The following TBX20 variants were observed in gnomAD, a reference collection of about 807,000 sequenced individuals.
The protein encoded by TBX20 is T-box transcription factor 20.
TBX20 carries 8 observed loss-of-function variants against 42.9 expected under a neutral mutation model. The observed-to-expected ratio is 0.19, with a 90% CI of 0.11 to 0.34. The LOEUF is 0.34. Ranked by LOEUF, TBX20 falls within the 10% of genes least tolerant of loss-of-function variation. TBX20 has a pLI of 1.00. For synonymous variants in TBX20, 198 were observed against 222.8 expected, an observed-to-expected ratio of 0.89 and a Z score of 0.99; for missense variants, 411 against 566.0, an observed-to-expected ratio of 0.73 and a Z score of 2.78.
chr7:35,205,578 T>C (rs528372702), intron 6 of TBX20, among the ~76,000 whole-genome samples: 5 of 152,314 alleles, frequency 3.3e-5, no homozygotes, highest in Non-Finnish European at 7.4e-5. Context: ...GCAAATAAAA[T>C]GTCATAATAA....
intron 6 of TBX20, among the ~76,000 whole-genome samples, chr7:35,216,454 G>C (rs1273018703): frequency 6.6e-6 from 1 of 152,246 alleles, no homozygotes; most frequent in Non-Finnish European, 1.5e-5. Flanking sequence ...GTAAAATAAG[G>C]ATATCAATAT....
At chr7:35,208,976 C>T (rs982843292) in intron 6 of TBX20, among the ~76,000 whole-genome samples, 3 of 152,024 alleles carry the variant, frequency 2.0e-5, no homozygotes, top group African/African-American at 4.8e-5. Context: ...TCTGTTGAGA[C>T]AATCATATAG....
At chr7:35,245,111 G>A in intron 3 of TBX20, 54 bp from the exon 4 acceptor site, 1 of 1,307,290 alleles carries the variant, frequency 7.6e-7, no homozygotes, top group Non-Finnish European at 1.1e-6. Flanking sequence ...GTCTGTCTCT[G>A]TAGGTTATAA....
intron 5 of TBX20, among the ~76,000 whole-genome samples, chr7:35,234,498 A>T (rs1333945948): frequency 5.3e-5 from 8 of 152,224 alleles, no homozygotes; most frequent in African/African-American, 9.6e-5. Context: ...GAGTTTTCAA[A>T]TGTCTTCGAA....
intron 6 of TBX20, among the ~76,000 whole-genome samples, chr7:35,224,526 G>T (rs1469259210): frequency 6.6e-6 from 1 of 152,212 alleles, no homozygotes; most frequent in Non-Finnish European, 1.5e-5. Flanking sequence ...TACAAAATTA[G>T]CTGGACGTGG....
chr7:35,227,816 T>C (rs1452454833), intron 6 of TBX20, among the ~76,000 whole-genome samples: 1 of 152,054 alleles, frequency 6.6e-6, no homozygotes, highest in African/African-American at 2.4e-5. Flanking sequence ...GGAGAGTAAA[T>C]TGGAAGTTAT....
chr7:35,207,938 A>G (rs868121266), intron 6 of TBX20, among the ~76,000 whole-genome samples: 6 of 152,150 alleles, frequency 3.9e-5, no homozygotes, highest in African/African-American at 1.4e-4. Flanking sequence ...GCATTTCCAT[A>G]TGAAATTTAA....
chr7:35,229,491 C>T (rs1789832088), intron 6 of TBX20, among the ~76,000 whole-genome samples: 1 of 152,212 alleles, frequency 6.6e-6, no homozygotes, highest in Non-Finnish European at 1.5e-5. Context: ...ATCTTGCAAA[C>T]TTTCAGCTAG....
chr7:35,212,275 T>C (rs1245254801), intron 6 of TBX20, among the ~76,000 whole-genome samples: 1 of 152,204 alleles, frequency 6.6e-6, no homozygotes, highest in Non-Finnish European at 1.5e-5. Flanking sequence ...ACTTTGATTT[T>C]TGGTAAATCT....
At chr7:35,239,733 T>C (rs1199128187) in intron 5 of TBX20, among the ~76,000 whole-genome samples, 1 of 151,950 alleles carries the variant, frequency 6.6e-6, no homozygotes, top group Non-Finnish European at 1.5e-5. Flanking sequence ...AGAAATGCAT[T>C]AATTTAAGTT....
chr7:35,223,456 G>A (rs535545232), intron 6 of TBX20, among the ~76,000 whole-genome samples: 18 of 152,310 alleles, frequency 1.2e-4, no homozygotes, highest in Middle Eastern at 6.8e-3. Flanking sequence ...GAGAAGAGAA[G>A]TGCAAGGACT....
At chr7:35,215,124 G>C (rs1789562298) in intron 6 of TBX20, among the ~76,000 whole-genome samples, 1 of 152,140 alleles carries the variant, frequency 6.6e-6, no homozygotes, top group African/African-American at 2.4e-5. Context: ...TTTTCTGAAA[G>C]AACATTATAT....
At chr7:35,235,485 T>G (rs1297184400) in intron 5 of TBX20, among the ~76,000 whole-genome samples, 1 of 152,218 alleles carries the variant, frequency 6.6e-6, no homozygotes, top group Non-Finnish European at 1.5e-5. Flanking sequence ...AAACATTGTA[T>G]GTACAGAAAC....
Position 35,245,010 on chromosome 7 carries a change from T to C in TBX20, c.593A>G (p.Lys198Arg), listed in dbSNP as rs761547441. Residue 198 changes from lysine to arginine, a missense_variant, in exon 4 of 8, where the codon AAA (lysine) becomes AGA (arginine). By Grantham distance (26) the Lys-to-Arg change is conservative. Around this residue, in one of 5 missense-constraint regions of TBX20, gnomAD observed 121 missense variants for 165.9 expected, o/e 0.73. Transcript: ENST00000408931. ...CACCTTTTCAAAAGACACCATCTGT[T>C]TGAGTAGTTGCTCACCGGTAAAAGG... ...DSPFTGEQLL[K>R]QMVSFEKVKL... The C allele has an allele frequency of 1.2e-6, 2 of 1,613,904 alleles. No homozygotes were observed. The highest frequency in any genetic ancestry group is 2.2e-5 in the South Asian group (2 of 91,070).
chr7:35,251,288 A>G (rs1481038674), intron 1 of TBX20, among the ~76,000 whole-genome samples: 2 of 152,240 alleles, frequency 1.3e-5, no homozygotes, highest in Non-Finnish European at 1.5e-5. Flanking sequence ...GTACATGTAC[A>G]TGATGTGTGT....
At position 35,227,519 on chromosome 7, in the gene TBX20, C is replaced by T. The variant is rs545780762; in HGVS notation, c.890+3985G>A. 2.0e-4 allele frequency among the ~76,000 whole-genome samples: 31 copies of T among 152,170 alleles called. 1 individual carries two copies. Among genetic ancestry groups the T allele is most frequent in the African/African-American group, 7.5e-4 (31 of 41,522 alleles). ...AATACCTACCCTTGCATTACAATTG[C>T]TTACAGTATTCAGTACAGTAACATG... On this transcript the variant is annotated intron_variant, in intron 6 of 7. Coordinates refer to ENST00000408931, the MANE Select transcript of TBX20 (RefSeq NM_001077653.2).
intron 6 of TBX20, among the ~76,000 whole-genome samples, chr7:35,226,875 T>C (rs574817324): frequency 2.0e-5 from 3 of 152,038 alleles, no homozygotes; most frequent in Non-Finnish European, 4.4e-5. Flanking sequence ...AAAAAAAAAG[T>C]TAACCGTGAA....
intron 6 of TBX20, among the ~76,000 whole-genome samples, chr7:35,212,649 A>T (rs1789517648): frequency 6.6e-6 from 1 of 152,156 alleles, no homozygotes; most frequent in Non-Finnish European, 1.5e-5. Context: ...TTGAGGGCTA[A>T]TTCTTCCTCA....
intron 3 of TBX20, among the ~76,000 whole-genome samples, chr7:35,247,486 C>T (rs915154774): frequency 6.6e-6 from 1 of 152,044 alleles, no homozygotes; most frequent in African/African-American, 2.4e-5. Context: ...ATGGAAAACT[C>T]TGAGAGATTG....
Sources: allele counts gnomAD v4.1 joint callset (sites outside exome capture counted in the v4.1 genomes callset), GRCh38; gene constraint gnomAD v4.1.1; regional missense constraint gnomAD v4.1.1; transcripts MANE v1.5; gene names NCBI Gene and HGNC (gene_info 2026-07-23, HGNC 2026-07-21).